CCNC: variants seen among roughly 807,000 people sequenced by gnomAD.
CCNC encodes the protein cyclin C.
In CCNC, 19 loss-of-function variants were observed where a neutral mutation model predicts 50.0. That is an observed-to-expected ratio of 0.38 (90% CI 0.27 to 0.56). CCNC has a LOEUF of 0.56. Among genes scored for constraint, CCNC ranks in the 20% least tolerant of loss-of-function variants. The pLI is 0.72. For missense variants in CCNC, 200 were observed against 327.1 expected (o/e 0.61, Z 3.00); for synonymous variants, 93 against 103.7 (o/e 0.90, Z 0.63).
intron 9 of CCNC, among the ~76,000 whole-genome samples, chr6:99,548,699 T>C (rs1802169161): frequency 1.3e-5 from 2 of 150,090 alleles, no homozygotes; most frequent in South Asian, 4.2e-4. Flanking sequence ...CCTATAATCC[T>C]CCTGTAGGCA....
At chr6:99,546,100 G>A (rs1802058977) in intron 10 of CCNC, among the ~76,000 whole-genome samples, 1 of 151,968 alleles carries the variant, frequency 6.6e-6, no homozygotes, top group South Asian at 2.1e-4. Context: ...CGAGTAGCTG[G>A]GAGTACAGGT....
At chr6:99,565,726 T>C (rs897643054) in intron 1 of CCNC, among the ~76,000 whole-genome samples, 1 of 152,174 alleles carries the variant, frequency 6.6e-6, no homozygotes, top group African/African-American at 2.4e-5. Flanking sequence ...AAATGTTGAA[T>C]TGTATTAGTT....
At position 99,561,548 on chromosome 6, in the gene CCNC, C is replaced by T. The variant is rs778698646; in HGVS notation, c.224+49G>A. ...GATTCATTTACACTGTGCTAAGGTT[C>T]ATCAACATTAGATAAGAGTTCAAAT... On this transcript the variant is annotated intron_variant, in intron 3 of 11. Coordinates refer to ENST00000520429, the MANE Select transcript of CCNC (RefSeq NM_005190.4). 6.4e-6 allele frequency: 9 copies of T among 1,403,452 alleles called. No individual in the cohort carries two copies. In the Admixed American group the frequency reaches 1.6e-4, roughly 25 times the overall value. 86.9% of individuals were successfully genotyped at this position (1,403,452 alleles called of 1,614,324 possible).
chr6:99,554,800 G>A (rs1439107538), intron 5 of CCNC, among the ~76,000 whole-genome samples: 1 of 152,168 alleles, frequency 6.6e-6, no homozygotes, highest in African/African-American at 2.4e-5. Flanking sequence ...ATTGGAGAAT[G>A]ATATTAGAAA....
At chr6:99,545,022 T>C (rs1349053922) in intron 11 of CCNC, 90 bp downstream of exon 11, 1 of 656,956 alleles carries the variant, frequency 1.5e-6, no homozygotes, top group South Asian at 2.2e-5. Context: ...AAGAAATGTT[T>C]TAAAAACTAC....
rs1270245822 is a variant in CCNC, at chr6:99,558,611, A to G, written c.295-63T>C. ...ATCTAAGGGTATCTGAACTCTATTC[A>G]AAACAGGATTTCCTTGCTCCTGTTT... is the stretch of plus-strand genomic sequence containing the variant. On this transcript the variant is annotated intron_variant, in intron 4 of 11. Coordinates refer to ENST00000520429, the MANE Select transcript of CCNC (RefSeq NM_005190.4). 6 of 1,456,660 alleles carry G rather than the reference A, an allele frequency of 4.1e-6. No individual in the cohort carries two copies. The East Asian group carries it at 1.4e-4, about 35-fold the overall frequency. The allele number at this position is 1,456,660 out of a possible 1,614,324, so 90.2% of individuals were successfully genotyped here.
chr6:99,568,681 C>T, upstream of CCNC: 2 of 1,483,422 alleles, frequency 1.3e-6, no homozygotes, highest in Non-Finnish European at 8.9e-7. Context: ...AGAGGATGGC[C>T]CCCTAGTCTC....
intron 9 of CCNC, among the ~76,000 whole-genome samples, chr6:99,548,972 C>T (rs1013201784): frequency 6.6e-5 from 10 of 152,038 alleles, no homozygotes; most frequent in Admixed American, 2.6e-4. Flanking sequence ...GAAACAAACA[C>T]GGAAAGGTCA....
chr6:99,564,017 T>C (rs28615910), intron 1 of CCNC, among the ~76,000 whole-genome samples: 10 of 152,234 alleles, frequency 6.6e-5, no homozygotes, highest in African/African-American at 1.9e-4. Context: ...TTCCCAGAAG[T>C]AGGATTAATG....
intron 5 of CCNC, among the ~76,000 whole-genome samples, chr6:99,553,575 CTAT>C (rs1437236473): frequency 6.6e-6 from 1 of 152,152 alleles, no homozygotes; most frequent in Non-Finnish European, 1.5e-5. Flanking sequence ...ATAACTCCTG[CTAT>C]TTTTTTCATC....
At chr6:99,550,183 CAT>C (rs2114282055) in intron 8 of CCNC, 33 bp downstream of exon 8, 2 of 1,388,218 alleles carry the variant, frequency 1.4e-6, no homozygotes, top group Non-Finnish European at 1.0e-6. Flanking sequence ...TATCTAATAA[CAT>C]GTTACACTAT....
At position 99,562,830 on chromosome 6, in the gene CCNC, A is replaced by T. The variant is rs527664961; in HGVS notation, c.139+12T>A. 2.3e-4 allele frequency: 333 copies of T among 1,465,106 alleles called. 1 individual carries two copies. Among genetic ancestry groups the T allele is most frequent in the South Asian group, 8.2e-4 (68 of 83,384 alleles). 90.8% of individuals were successfully genotyped at this position (1,465,106 alleles called of 1,614,324 possible). A position where few individuals can be genotyped will look rare whatever the true frequency, so the allele number is the denominator to read the frequency against. ...AACTATACAATTTGAACCAATTTTT[A>T]AAAAAGTTTACCATTTGTAAAAAAT... On this transcript the variant is annotated intron_variant, in intron 2 of 11. Coordinates refer to ENST00000520429, the MANE Select transcript of CCNC (RefSeq NM_005190.4).
intron 8 of CCNC, 46 bp from the exon 9 acceptor site, chr6:99,549,621 A>C: frequency 3.5e-5 from 42 of 1,190,334 alleles, no homozygotes; most frequent in Non-Finnish European, 4.6e-5. Flanking sequence ...GAACTACCTC[A>C]TCTGATTGTA....
Position 99,545,091 on chromosome 6 carries a change from TAA to T in CCNC, c.797+19_797+20del. ...ATGATATATGATTAAATGACATCAATAATTAAAGTCTACAAAGTACCTGTTTG... is the reference window on the plus strand; with the variant it reads ...ATGATATATGATTAAATGACATCAATTTAAAGTCTACAAAGTACCTGTTTG... On this transcript the variant is annotated intron_variant, in intron 11 of 11. Coordinates refer to ENST00000520429, the MANE Select transcript of CCNC (RefSeq NM_005190.4). 1 of 1,103,316 alleles carries T rather than the reference TAA, an allele frequency of 9.1e-7. No homozygotes were observed. The highest frequency in any genetic ancestry group is 1.4e-6 in the Non-Finnish European group (1 of 717,970). The allele number at this position is 1,103,316 out of a possible 1,614,324, so 68.3% of individuals were successfully genotyped here. A position where few individuals can be genotyped will look rare whatever the true frequency, so the allele number is the denominator to read the frequency against.
intron 5 of CCNC, among the ~76,000 whole-genome samples, chr6:99,556,798 G>C (rs1271452723): frequency 1.3e-5 from 2 of 152,222 alleles, no homozygotes; most frequent in East Asian, 3.9e-4. Flanking sequence ...GCACACACCT[G>C]TAATCCCAGC....
chr6:99,552,001 A>G, intron 5 of CCNC, 106 bp from the exon 6 acceptor site: 1 of 696,806 alleles, frequency 1.4e-6, no homozygotes. Flanking sequence ...AATTATTTTC[A>G]GTAGGAATTC....
intron 11 of CCNC, chr6:99,543,872 A>T (rs1437952631): frequency 2.3e-6 from 3 of 1,306,600 alleles, no homozygotes; most frequent in East Asian, 6.0e-5. Flanking sequence ...AAAAACTTTA[A>T]ATTAGGGTAT....
Position 99,553,541 on chromosome 6 carries a change from C to A in CCNC, c.347-1646G>T, listed in dbSNP as rs563577811. 1.2e-4 allele frequency among the ~76,000 whole-genome samples: 19 copies of A among 152,270 alleles called. No homozygotes were observed. The South Asian group carries it at 3.7e-3, about 30-fold the overall frequency. On this transcript the variant is annotated intron_variant, in intron 5 of 11. Coordinates refer to ENST00000520429, the MANE Select transcript of CCNC (RefSeq NM_005190.4). ...TCTATTGTTTGTCTTACCACTTATA[C>A]ACTTATTATCATCTATTCAATTGAT...
chr6:99,546,025 G>A (rs1802055833), intron 10 of CCNC, among the ~76,000 whole-genome samples: 1 of 151,844 alleles, frequency 6.6e-6, no homozygotes. Context: ...CTCGCGTGCA[G>A]TGGCACGATC....
Sources: allele counts gnomAD v4.1 joint callset (sites outside exome capture counted in the v4.1 genomes callset), GRCh38; gene constraint gnomAD v4.1.1; transcripts MANE v1.5; gene names NCBI Gene and HGNC (gene_info 2026-07-23, HGNC 2026-07-21).